CUL2: variants seen among roughly 807,000 people sequenced by gnomAD.
CUL2 encodes cullin-2.
A neutral mutation model predicts 110.2 loss-of-function variants in CUL2; 22 were observed. The ratio of observed to expected loss-of-function variants is 0.20; its 90% CI spans 0.14 to 0.28. The LOEUF (loss-of-function observed/expected upper bound fraction) is 0.28. Among genes scored for constraint, CUL2 ranks in the 10% least tolerant of loss-of-function variants. The probability of loss-of-function intolerance (pLI) is 1.00; values close to 1 mark genes in which losing one functional copy is unlikely to be tolerated. For missense variants in CUL2, 631 were observed against 905.5 expected, an observed-to-expected ratio of 0.70 and a Z score of 3.89; for synonymous variants, 279 against 293.2, an observed-to-expected ratio of 0.95 and a Z score of 0.49.
At chr10:35,017,071 T>C (rs1313765023) in intron 17 of CUL2, among the ~76,000 whole-genome samples, 1 of 151,568 alleles carries the variant, frequency 6.6e-6, no homozygotes, top group African/African-American at 2.4e-5. Flanking sequence ...CAAAGTGATA[T>C]CAGCAACAGC....
At chr10:35,038,525 CAAAAA>C (rs61022194) in intron 9 of CUL2, among the ~76,000 whole-genome samples, 5 of 65,508 alleles carry the variant, frequency 7.6e-5, no homozygotes, top group Non-Finnish European at 1.0e-4. Context: ...GACTCTGTCT[CAAAAA>C]AAAAAAAAAA....
intron 17 of CUL2, among the ~76,000 whole-genome samples, chr10:35,022,085 G>C (rs2085216832): frequency 6.6e-6 from 1 of 151,936 alleles, no homozygotes; most frequent in Non-Finnish European, 1.5e-5. Context: ...ACGTATGTCT[G>C]TCTTCCTACT....
intron 17 of CUL2, 58 bp downstream of exon 17, chr10:35,025,074 A>C: frequency 7.0e-7 from 1 of 1,427,512 alleles, no homozygotes; most frequent in Non-Finnish European, 9.2e-7. Context: ...CCTCTTTCTA[A>C]ATTAATATAA....
upstream of CUL2, among the ~76,000 whole-genome samples, chr10:35,095,285 C>G (rs1398290288): frequency 1.3e-5 from 2 of 149,948 alleles, no homozygotes. Context: ...GATCATGCCA[C>G]TGCACTCCAG....
intron 4 of CUL2, among the ~76,000 whole-genome samples, chr10:35,058,494 T>G (rs972953513): frequency 2.0e-5 from 3 of 152,144 alleles, no homozygotes; most frequent in Non-Finnish European, 4.4e-5. Context: ...TCCAGATCTG[T>G]AGTCTAAAGT....
intron 8 of CUL2, 28 bp from the exon 9 acceptor site, chr10:35,039,110 A>G: frequency 6.9e-7 from 1 of 1,453,396 alleles, no homozygotes; most frequent in Non-Finnish European, 9.2e-7. Context: ...TACAGTCATG[A>G]ACACAAAGTT....
intron 6 of CUL2, among the ~76,000 whole-genome samples, chr10:35,048,816 TTCTTA>T (rs2086017264): frequency 6.6e-6 from 1 of 152,234 alleles, no homozygotes; most frequent in African/African-American, 2.4e-5. Context: ...TTCTCTTATC[TTCTTA>T]TGTGAGGCAT....
chr10:35,083,143 A>T (rs1208445675), intron 1 of CUL2, among the ~76,000 whole-genome samples: 1 of 146,580 alleles, frequency 6.8e-6, no homozygotes, highest in Admixed American at 6.9e-5. Context: ...CATGAGAGCA[A>T]GACTCCATCT....
At chr10:35,019,554 A>G (rs1036647558) in intron 17 of CUL2, among the ~76,000 whole-genome samples, 3 of 152,186 alleles carry the variant, frequency 2.0e-5, no homozygotes, top group African/African-American at 7.2e-5. Context: ...AGAAACAACA[A>G]GAGTGGTGAT....
intron 20 of CUL2, 102 bp from the exon 21 acceptor site, chr10:35,010,544 C>A: frequency 8.7e-7 from 1 of 1,146,804 alleles, no homozygotes; most frequent in South Asian, 2.3e-5. Context: ...ACTGAGGTTT[C>A]AACAAATGGG....
intron 6 of CUL2, among the ~76,000 whole-genome samples, chr10:35,047,714 C>G (rs938849606): frequency 6.6e-6 from 1 of 151,154 alleles, no homozygotes; most frequent in African/African-American, 2.4e-5. Flanking sequence ...GGTAGGAGCT[C>G]GAGACCAACC....
chr10:35,009,267 T>C lies in CUL2; in HGVS notation c.*1044A>G, dbSNP rs902941128. 2 of 149,660 alleles carry C rather than the reference T, an allele frequency of 1.3e-5. No individual in the cohort carries two copies. Among genetic ancestry groups the C allele is most frequent in the African/African-American group, 4.9e-5 (2 of 40,778 alleles). The allele number at this position is 149,660 out of a possible 1,614,324, so 9.3% of individuals were successfully genotyped here. On this transcript the variant is annotated 3_prime_UTR_variant, in exon 21 of 21. Transcript: ENST00000374749. ...TTTATATATGTGGCACCCAGTACAA[T>C]GTACAATTTTCTTTTTTAAAAAAGT...
intron 8 of CUL2, among the ~76,000 whole-genome samples, chr10:35,040,012 G>C (rs1479235050): frequency 6.6e-6 from 1 of 152,104 alleles, no homozygotes; most frequent in Non-Finnish European, 1.5e-5. Flanking sequence ...AATTAGCCAG[G>C]TGTGGTGGCA....
chr10:35,069,709 T>A (rs910441914), intron 2 of CUL2, among the ~76,000 whole-genome samples: 1 of 152,174 alleles, frequency 6.6e-6, no homozygotes, highest in Non-Finnish European at 1.5e-5. Flanking sequence ...TGTACAATGA[T>A]GAAGAACACA....
chr10:35,117,090 T>TC (rs145998192), intron 1 of CUL2, among the ~76,000 whole-genome samples: 20,630 of 152,204 alleles, frequency 0.14, 1,585 homozygotes, highest in South Asian at 0.2. Flanking sequence ...ATTTTTGAAT[T>TC]TATCGAAGAG....
At chr10:35,016,848 A>G (rs2085045266) in intron 17 of CUL2, among the ~76,000 whole-genome samples, 1 of 149,290 alleles carries the variant, frequency 6.7e-6, no homozygotes, top group Admixed American at 6.8e-5. Context: ...AATCACTTGA[A>G]CCTGGGAGGC....
At chr10:35,049,806 G>C (rs1482283083) in intron 5 of CUL2, 41 bp from the exon 6 acceptor site, 1 of 1,352,304 alleles carries the variant, frequency 7.4e-7, no homozygotes, top group Non-Finnish European at 1.0e-6. Context: ...GAATTACTTA[G>C]TATATGTTTA....
chr10:35,025,095 A>G, intron 17 of CUL2, 37 bp downstream of exon 17: 1 of 1,449,546 alleles, frequency 6.9e-7, no homozygotes. Context: ...TCATCAGGTA[A>G]ATTTCATTAA....
At chr10:35,062,829 C>A in intron 3 of CUL2, 131 bp downstream of exon 3, 1 of 609,694 alleles carries the variant, frequency 1.6e-6, no homozygotes, top group Non-Finnish European at 2.9e-6. Flanking sequence ...AGAGCAAGAC[C>A]CTGTATTTAA....
Sources: allele counts gnomAD v4.1 joint callset (sites outside exome capture counted in the v4.1 genomes callset), GRCh38; gene constraint gnomAD v4.1.1; transcripts MANE v1.5; gene names NCBI Gene and HGNC (gene_info 2026-07-23, HGNC 2026-07-21).